Variants in CMPK1 observed in about 807,000 individuals in gnomAD.
CMPK1 encodes cytidine/uridine monophosphate kinase 1.
Under a neutral mutation model 25.7 loss-of-function variants are expected in CMPK1, and 10 were observed. The observed-to-expected ratio is 0.39, with a 90% CI of 0.24 to 0.66. The LOEUF (loss-of-function observed/expected upper bound fraction) is 0.66. Ranked by LOEUF, CMPK1 falls within the 30% of genes least tolerant of loss-of-function variation. CMPK1 has a pLI of 0.48. For missense variants in CMPK1, 199 were observed against 280.5 expected, an observed-to-expected ratio of 0.71 and a Z score of 2.08; for synonymous variants, 106 against 101.5, an observed-to-expected ratio of 1.04 and a Z score of -0.27.
chr1:47,342,679 T>C (rs1646450194), intron 1 of CMPK1, among the ~76,000 whole-genome samples: 2 of 144,856 alleles, frequency 1.4e-5, no homozygotes, highest in African/African-American at 2.5e-5. Flanking sequence ...AGACAGGGTC[T>C]CACTCTGTTG....
At chr1:47,374,847 T>C (rs1646697170) in intron 3 of CMPK1, 62 bp from the exon 4 acceptor site, 1 of 1,263,192 alleles carries the variant, frequency 7.9e-7, no homozygotes, top group Non-Finnish European at 1.1e-6. Context: ...TTGTTTTCTT[T>C]GCAGGTTAAA....
At chr1:47,362,641 A>G (rs1646611665) in intron 1 of CMPK1, among the ~76,000 whole-genome samples, 1 of 152,254 alleles carries the variant, frequency 6.6e-6, no homozygotes, top group Non-Finnish European at 1.5e-5. Context: ...ACTCTTTATT[A>G]GAAAAAGAAA....
intron 1 of CMPK1, among the ~76,000 whole-genome samples, chr1:47,342,788 T>G (rs1570352905): frequency 6.6e-6 from 1 of 151,632 alleles, no homozygotes; most frequent in African/African-American, 2.4e-5. Context: ...TAGCTGGGAT[T>G]ACAGGCACTT....
At chr1:47,356,147 T>C (rs990338422) in intron 1 of CMPK1, among the ~76,000 whole-genome samples, 1 of 152,198 alleles carries the variant, frequency 6.6e-6, no homozygotes, top group African/African-American at 2.4e-5. Context: ...TTTACTTGTT[T>C]TGTGTTTTAG....
Position 47,347,175 on chromosome 1 carries a change from T to C in CMPK1, c.171+13059T>C, listed in dbSNP as rs991517631. On this transcript the variant is annotated intron_variant, in intron 1 of 5. Transcript: ENST00000371873. ...CCCTCCCTCCCTTTCTTCCTTCCTT[T>C]CTTCTTTCCTTCCTTCCTTCTTTCC... Among the ~76,000 whole-genome samples, 4 of 150,994 alleles carry C rather than the reference T, an allele frequency of 2.6e-5. No individual in the cohort carries two copies. The East Asian group carries it at 7.9e-4, about 30-fold the overall frequency.
At position 47,340,829 on chromosome 1, in the gene CMPK1, G is replaced by T. The variant is rs189961998; in HGVS notation, c.171+6713G>T. Among the ~76,000 whole-genome samples, 49 of 152,160 alleles carry T rather than the reference G, an allele frequency of 3.2e-4. 1 individual carries two copies. The East Asian group carries it at 9.3e-3, about 29-fold the overall frequency. ...ATTTTGTATTTTTAGTAGAGACGGG[G>T]TTTCTCCATGTTGGTCAGGCTGGTC... On this transcript the variant is annotated intron_variant, in intron 1 of 5. Transcript: ENST00000371873.
rs536209987 is a variant in CMPK1, at chr1:47,350,395, A to G, written c.171+16279A>G. Among the ~76,000 whole-genome samples, 35 of 151,942 alleles carry G rather than the reference A, an allele frequency of 2.3e-4. No homozygotes were observed. In the South Asian group the frequency reaches 6.7e-3, roughly 29 times the overall value. ...CTTGTAGTCCCAGCTACTTGGGGCC[A>G]ATTTATGGGTTGAGGTTGGGGAGGG... On this transcript the variant is annotated intron_variant, in intron 1 of 5. Transcript: ENST00000371873.
chr1:47,358,490 G>T (rs922726522), intron 1 of CMPK1: 2 of 1,104,934 alleles, frequency 1.8e-6, no homozygotes, highest in East Asian at 7.9e-5. Flanking sequence ...GTGGCTGTTA[G>T]TATAGTATAG....
intron 1 of CMPK1, chr1:47,358,320 A>T: frequency 1.5e-6 from 1 of 688,350 alleles, no homozygotes; most frequent in Non-Finnish European, 2.3e-6. Context: ...GCTATGGTGC[A>T]TAGGCTGATC....
chr1:47,370,818 G>T (rs1435164717), intron 2 of CMPK1, among the ~76,000 whole-genome samples: 1 of 151,548 alleles, frequency 6.6e-6, no homozygotes, highest in Non-Finnish European at 1.5e-5. Context: ...GGCCGTGGTG[G>T]CAGGCACCTG....
intron 1 of CMPK1, among the ~76,000 whole-genome samples, chr1:47,359,974 T>C (rs1430495739): frequency 6.6e-6 from 1 of 152,180 alleles, no homozygotes; most frequent in African/African-American, 2.4e-5. Context: ...CCTGCAACAA[T>C]ATCTAGGTTG....
chr1:47,351,448 C>T (rs1646522010), intron 1 of CMPK1, among the ~76,000 whole-genome samples: 1 of 152,124 alleles, frequency 6.6e-6, no homozygotes, highest in Admixed American at 6.6e-5. Context: ...AATAATGTTC[C>T]ATTATATGTA....
At chr1:47,370,487 A>G (rs958081243) in intron 2 of CMPK1, among the ~76,000 whole-genome samples, 3 of 151,168 alleles carry the variant, frequency 2.0e-5, no homozygotes, top group Admixed American at 6.6e-5. Flanking sequence ...AAAAAATATA[A>G]AAAATTAGCC....
intron 1 of CMPK1, among the ~76,000 whole-genome samples, chr1:47,352,502 T>A (rs936091244): frequency 7.4e-6 from 1 of 135,872 alleles, no homozygotes; most frequent in Non-Finnish European, 1.6e-5. Flanking sequence ...GGGGTAGTGG[T>A]AAATGGAAAG....
intron 1 of CMPK1, among the ~76,000 whole-genome samples, chr1:47,363,279 C>G (rs1240709915): frequency 6.6e-6 from 1 of 152,088 alleles, no homozygotes; most frequent in East Asian, 1.9e-4. Context: ...TCGAAAAATC[C>G]TAAATTGAAC....
chr1:47,377,214 A>C lies in CMPK1; in HGVS notation c.*469A>C, dbSNP rs1210552889. 1 of 152,744 alleles carries C rather than the reference A, an allele frequency of 6.5e-6. No homozygotes were observed. The highest frequency in any genetic ancestry group is 2.4e-5 in the African/African-American group (1 of 41,456). The allele number at this position is 152,744 out of a possible 1,614,324, so 9.5% of individuals were successfully genotyped here. On this transcript the variant is annotated 3_prime_UTR_variant, in exon 6 of 6. Coordinates refer to ENST00000371873, the MANE Select transcript of CMPK1 (RefSeq NM_016308.3). ...CAGTTCTTGCACAATGTGTTTGGTA[A>C]ACAAACTCAAAATGGATTCTTAGGA...
At chr1:47,362,855 A>T (rs1646613524) in intron 1 of CMPK1, among the ~76,000 whole-genome samples, 1 of 152,158 alleles carries the variant, frequency 6.6e-6, no homozygotes. Context: ...CAGATATTAT[A>T]CTCAGCTTTC....
chr1:47,359,587 C>G (rs957450262), intron 1 of CMPK1, among the ~76,000 whole-genome samples: 131 of 151,748 alleles, frequency 8.6e-4, no homozygotes, highest in African/African-American at 3.0e-3. Context: ...TGGGGTTTCA[C>G]CATGTTGGCC....
chr1:47,334,575 G>A (rs186976188), intron 1 of CMPK1, among the ~76,000 whole-genome samples: 128 of 152,334 alleles, frequency 8.4e-4, no homozygotes, highest in African/African-American at 2.9e-3. Context: ...CCTTCCCTCT[G>A]GTTCCCTAAA....
Sources: allele counts gnomAD v4.1 joint callset (sites outside exome capture counted in the v4.1 genomes callset), GRCh38; gene constraint gnomAD v4.1.1; transcripts MANE v1.5; gene names NCBI Gene and HGNC (gene_info 2026-07-23, HGNC 2026-07-21).